Variants in FGF13 observed in about 807,000 individuals in gnomAD.
The protein encoded by FGF13 is fibroblast growth factor 13, also known as fibroblast growth factor homologous factor 2.
FGF13 carries 2 observed loss-of-function variants against 19.5 expected under a neutral mutation model. The observed-to-expected ratio is 0.10, with a 90% CI of 0.04 to 0.32. The LOEUF is 0.32. Ranked by LOEUF, FGF13 falls within the 10% of genes least tolerant of loss-of-function variation. FGF13 has a pLI of 1.00. For synonymous variants in FGF13, 72 were observed against 76.9 expected (o/e 0.94, Z 0.33); for missense variants, 113 against 192.7 (o/e 0.59, Z 2.45).
chrX:138,710,894 C>T lies in FGF13; in HGVS notation c.110G>A (p.Ser37Asn). The change falls in exon 1 of 5, where the codon AGC (serine) becomes AAC (asparagine). Residue 37 changes from serine to asparagine, a missense_variant. Ser to Asn is a conservative substitution (Grantham distance 46). Transcript: ENST00000315930. ...GACATTTAACTTGTTTTTGTCGCAGCTGGTCTTGCCTTTGCTGGGGCTGCT... is the reference window on the plus strand; with the variant it reads ...GACATTTAACTTGTTTTTGTCGCAGTTGGTCTTGCCTTTGCTGGGGCTGCT... ...CVSSPSKGKT[S>N]CDKNKLNVFS... The T allele has an allele frequency of 2.5e-6, 3 of 1,212,333 alleles. No homozygotes were observed. The highest frequency in any genetic ancestry group is 3.3e-6 in the Non-Finnish European group (3 of 895,653).
chrX:139,137,662 T>C (rs2083811182), intron 1 of FGF13, among the ~76,000 whole-genome samples: 1 of 112,299 alleles, frequency 8.9e-6, no homozygotes, highest in African/African-American at 3.2e-5. Flanking sequence ...ACACTCACTT[T>C]TGCTAATTAT....
intron 1 of FGF13, among the ~76,000 whole-genome samples, chrX:138,731,760 C>G (rs2090233552): frequency 9.1e-6 from 1 of 109,624 alleles, no homozygotes; most frequent in African/African-American, 3.3e-5. Context: ...AAGATTAATA[C>G]AATTTTAAAC....
intron 1 of FGF13, among the ~76,000 whole-genome samples, chrX:139,183,239 AT>A (rs1165373189): frequency 5.4e-5 from 6 of 111,703 alleles, no homozygotes; most frequent in Middle Eastern, 4.7e-3. Context: ...TGGAGCAATA[AT>A]TTTTCACATT....
At chrX:138,633,782 G>T (rs1486678260) in intron 4 of FGF13, among the ~76,000 whole-genome samples, 1 of 111,573 alleles carries the variant, frequency 9.0e-6, no homozygotes, top group Non-Finnish European at 1.9e-5. Flanking sequence ...TGAACTTGAG[G>T]CATACACAGG....
intron 3 of FGF13, among the ~76,000 whole-genome samples, chrX:138,834,071 T>C (rs1450455307): frequency 8.9e-6 from 1 of 112,189 alleles, no homozygotes; most frequent in East Asian, 2.8e-4. Flanking sequence ...CAGTATTTTC[T>C]TGAGGATTTT....
chrX:138,949,593 A>G (rs1257258485), intron 1 of FGF13, among the ~76,000 whole-genome samples: 1 of 112,074 alleles, frequency 8.9e-6, no homozygotes, highest in Non-Finnish European at 1.9e-5. Flanking sequence ...ATAAGATCAC[A>G]TGCTGGTGTT....
chrX:138,875,432 T>C (rs1308357845), intron 1 of FGF13, among the ~76,000 whole-genome samples: 1 of 111,111 alleles, frequency 9.0e-6, no homozygotes, highest in African/African-American at 3.3e-5. Context: ...AGAAACTGGT[T>C]GAGTCCATTT....
At chrX:138,701,048 C>A (rs1447033531) in intron 3 of FGF13, among the ~76,000 whole-genome samples, 3 of 112,278 alleles carry the variant, frequency 2.7e-5, no homozygotes, top group Admixed American at 9.4e-5. Context: ...TGACATATAA[C>A]CCAAGTTAAA....
intron 1 of FGF13, among the ~76,000 whole-genome samples, chrX:138,870,774 G>C (rs1052695634): frequency 6.2e-5 from 7 of 112,537 alleles, no homozygotes; most frequent in Non-Finnish European, 1.3e-4. Context: ...GCCATTGCTG[G>C]CTTTGGAGAT....
At chrX:138,712,241 A>T (rs760231973), upstream of FGF13, 2 of 111,818 alleles carry the variant, frequency 1.8e-5, no homozygotes, top group East Asian at 5.7e-4. Context: ...GACACTGCAG[A>T]GCTGCGCCCG....
At chrX:139,071,710 C>G (rs1191629863) in intron 1 of FGF13, among the ~76,000 whole-genome samples, 1 of 110,893 alleles carries the variant, frequency 9.0e-6, no homozygotes, top group Non-Finnish European at 1.9e-5. Context: ...ATTTCTCCAG[C>G]TTTTTCATCT....
intron 3 of FGF13, among the ~76,000 whole-genome samples, chrX:138,778,648 C>T (rs181700218): frequency 9.8e-5 from 11 of 112,336 alleles, no homozygotes; most frequent in Admixed American, 6.5e-4. Context: ...ATATCCCGCA[C>T]CTGGCTCGGA....
upstream of FGF13, among the ~76,000 whole-genome samples, chrX:138,741,360 A>G (rs958121447): frequency 2.7e-5 from 3 of 111,673 alleles, no homozygotes; most frequent in African/African-American, 6.5e-5. Flanking sequence ...GAGCAGCTCA[A>G]TCTGTTGATG....
intron 3 of FGF13, among the ~76,000 whole-genome samples, chrX:138,661,076 T>C (rs1425235465): frequency 9.0e-6 from 1 of 111,442 alleles, no homozygotes; most frequent in Non-Finnish European, 1.9e-5. Context: ...CTACTCCTCA[T>C]TCACTAGAGG....
intron 2 of FGF13, among the ~76,000 whole-genome samples, chrX:138,859,644 G>A (rs989921892): frequency 2.7e-5 from 3 of 111,867 alleles, no homozygotes; most frequent in Admixed American, 9.5e-5. Context: ...TTTCCCAGCT[G>A]GTCATTAATT....
intron 3 of FGF13, among the ~76,000 whole-genome samples, chrX:138,640,598 C>T (rs1346616206): frequency 9.0e-6 from 1 of 111,448 alleles, no homozygotes; most frequent in African/African-American, 3.3e-5. Flanking sequence ...AAGTAAGGAC[C>T]ATGTCAGTCA....
intron 3 of FGF13, among the ~76,000 whole-genome samples, chrX:138,777,209 C>T (rs1347533852): frequency 9.0e-6 from 1 of 111,313 alleles, no homozygotes; most frequent in African/African-American, 3.3e-5. Context: ...TGATTGGGAG[C>T]CCTACTAATA....
chrX:139,080,774 A>G (rs1423516345), intron 1 of FGF13, among the ~76,000 whole-genome samples: 1 of 111,141 alleles, frequency 9.0e-6, no homozygotes, highest in Non-Finnish European at 1.9e-5. Flanking sequence ...CTGATGTCCA[A>G]GCTTCTGATT....
intron 1 of FGF13, among the ~76,000 whole-genome samples, chrX:139,089,068 G>A (rs185778855): frequency 2.7e-5 from 3 of 112,228 alleles, no homozygotes; most frequent in Non-Finnish European, 3.8e-5. Flanking sequence ...ACCACTCAAT[G>A]TATGGTATTT....
Sources: gnomAD v4.1 joint callset for allele counts (sites outside exome capture counted in the v4.1 genomes callset) on GRCh38, gnomAD v4.1.1 for gene constraint, MANE v1.5 for transcripts, NCBI Gene and HGNC (gene_info 2026-07-23, HGNC 2026-07-21) for gene names.